Variants in TPD52 observed in about 807,000 individuals in gnomAD.
TPD52 encodes prostate and colon associated protein.
TPD52 carries 17 observed loss-of-function variants against 31.3 expected under a neutral mutation model. The ratio of observed to expected loss-of-function variants is 0.54; its 90% CI spans 0.37 to 0.82. The LOEUF (loss-of-function observed/expected upper bound fraction) is 0.82. Among genes scored for constraint, TPD52 ranks in the 40% least tolerant of loss-of-function variants. The pLI is 0.00. For synonymous variants in TPD52, 83 were observed against 89.6 expected (o/e 0.93, Z 0.42); for missense variants, 212 against 240.1 (o/e 0.88, Z 0.77).
chr8:80,055,267 T>C (rs1363700968), intron 2 of TPD52, among the ~76,000 whole-genome samples: 2 of 152,238 alleles, frequency 1.3e-5, no homozygotes, highest in African/African-American at 4.8e-5. Flanking sequence ...ATTCCCCACC[T>C]TTGTTGGTTA....
rs564917971 is a variant in TPD52 at position 80,151,431 on chromosome 8, A to C, written c.19+19994T>G. 4.9e-4 allele frequency among the ~76,000 whole-genome samples: 75 copies of C among 152,354 alleles called. 1 individual carries two copies. Among genetic ancestry groups the C allele is most frequent in the Non-Finnish European group, 1.0e-3 (68 of 68,028 alleles). On this transcript the variant is annotated intron_variant, in intron 1 of 7. Transcript: ENST00000518937. ...GCCGAAGTGATTGTTAAAGTATATT[A>C]AACAAAAATTATGGGAGGCCACTGT...
At chr8:80,069,656 A>G (rs527526768) in intron 1 of TPD52, among the ~76,000 whole-genome samples, 1 of 145,074 alleles carries the variant, frequency 6.9e-6, no homozygotes, top group African/African-American at 2.5e-5. Flanking sequence ...AAGATTTAAA[A>G]CTTAAGTTAT....
chr8:80,130,851 C>T (rs577930355), intron 1 of TPD52, among the ~76,000 whole-genome samples: 39 of 152,036 alleles, frequency 2.6e-4, no homozygotes, highest in African/African-American at 8.4e-4. Flanking sequence ...TTCAGGGCTC[C>T]GTTAACAAAA....
downstream of TPD52, among the ~76,000 whole-genome samples, chr8:80,033,545 CTT>C (rs936643392): frequency 2.0e-5 from 3 of 152,140 alleles, no homozygotes; most frequent in South Asian, 2.1e-4. Context: ...GGTCACCACT[CTT>C]CTCTCCTGCA....
rs76832362 is a variant in TPD52, at chr8:80,127,256, C to A, written c.19+44169G>T. Reference sequence around the variant, plus strand: ...TCTTTTGATACAACTTGAAACATTTCAACACTCTCCAGCTCTCTCATCCAA... The same window carrying A: ...TCTTTTGATACAACTTGAAACATTTAAACACTCTCCAGCTCTCTCATCCAA... On this transcript the variant is annotated intron_variant, in intron 1 of 7. Transcript: ENST00000518937. Among the ~76,000 whole-genome samples, 677 of 152,316 alleles carry A rather than the reference C, an allele frequency of 4.4e-3. 8 individuals are homozygous for A. The highest frequency in any genetic ancestry group is 0.031 in the Admixed American group (478 of 15,300).
rs1554582865 is a variant in TPD52, at chr8:80,072,317, A to ATATGTGTGTGTGTG, written c.20-7725_20-7724insCACACACACACATA. Among the ~76,000 whole-genome samples, 32 of 121,308 alleles carry ATATGTGTGTGTGTG rather than the reference A, an allele frequency of 2.6e-4. 1 individual carries two copies. The highest frequency in any genetic ancestry group is 5.1e-4 in the African/African-American group (14 of 27,374). 79.6% of individuals were successfully genotyped at this position (121,308 alleles called of 152,430 possible). A position where few individuals can be genotyped will look rare whatever the true frequency, so the allele number is the denominator to read the frequency against. Reference sequence around the variant, plus strand: ...GAGAGACTCCATCTAAAAAACATATATGTGTGTGTGTGTGTGTGTGTGTGT... The same window carrying ATATGTGTGTGTGTG: ...GAGAGACTCCATCTAAAAAACATATATATGTGTGTGTGTGTGTGTGTGTGTGTGTGTGTGTGTGT... On this transcript the variant is annotated intron_variant, in intron 1 of 7. Transcript: ENST00000518937.
At chr8:80,051,879 G>C (rs968519148) in intron 3 of TPD52, 1 of 382,884 alleles carries the variant, frequency 2.6e-6, no homozygotes. Flanking sequence ...TATAAAGGCA[G>C]GGCCAAAGAA....
At chr8:80,151,879 T>G (rs530204235) in intron 1 of TPD52, among the ~76,000 whole-genome samples, 101 of 152,312 alleles carry the variant, frequency 6.6e-4, no homozygotes, top group Non-Finnish European at 1.3e-3. Flanking sequence ...GTAAGATATA[T>G]TACAAGGTCA....
At chr8:80,095,243 A>G (rs1201897229) in intron 1 of TPD52, among the ~76,000 whole-genome samples, 1 of 152,224 alleles carries the variant, frequency 6.6e-6, no homozygotes, top group Non-Finnish European at 1.5e-5. Flanking sequence ...CTTTAAATGC[A>G]TATTATTGAC....
intron 1 of TPD52, among the ~76,000 whole-genome samples, chr8:80,133,564 C>A (rs548787074): frequency 6.6e-6 from 1 of 152,222 alleles, no homozygotes; most frequent in African/African-American, 2.4e-5. Flanking sequence ...CATTTTATTT[C>A]TTTGACCCAC....
At chr8:80,099,593 C>T (rs1389776446) in intron 1 of TPD52, among the ~76,000 whole-genome samples, 1 of 150,438 alleles carries the variant, frequency 6.6e-6, no homozygotes, top group African/African-American at 2.5e-5. Context: ...TCACTGCAAC[C>T]TCCGCCTCCC....
At chr8:80,057,725 C>T (rs1812050622) in intron 2 of TPD52, among the ~76,000 whole-genome samples, 1 of 152,102 alleles carries the variant, frequency 6.6e-6, no homozygotes, top group Admixed American at 6.5e-5. Context: ...ACTTGGGCAA[C>T]AGGATCATTA....
chr8:80,072,070 G>A (rs1428160444), intron 1 of TPD52, among the ~76,000 whole-genome samples: 1 of 152,162 alleles, frequency 6.6e-6, no homozygotes, highest in African/African-American at 2.4e-5. Context: ...CAGCACTTTG[G>A]GAGACCCAGG....
In TPD52 at chr8:80,053,210, C is replaced by T. The variant is rs966983928; in HGVS notation, c.284+72G>A. On this transcript the variant is annotated intron_variant, in intron 3 of 7. Transcript: ENST00000518937. The stretch of plus-strand genomic sequence containing the variant: ...GAAGCATCCTTATCCTCTTTTTCTT[C>T]CCCTCTCCAGACAAAAGGCACAACA... 8.0e-6 allele frequency: 12 copies of T among 1,498,360 alleles called. No homozygotes were observed. The African/African-American group carries it at 1.5e-4, about 19-fold the overall frequency. The allele number at this position is 1,498,360 out of a possible 1,614,324, so 92.8% of individuals were successfully genotyped here.
At chr8:80,142,683 C>T (rs1031299243) in intron 1 of TPD52, among the ~76,000 whole-genome samples, 8 of 152,112 alleles carry the variant, frequency 5.3e-5, no homozygotes, top group South Asian at 2.1e-4. Flanking sequence ...CCCTGGGCAA[C>T]GGAGTGAGGC....
intron 1 of TPD52, among the ~76,000 whole-genome samples, chr8:80,140,084 C>T (rs1809720696): frequency 6.6e-6 from 1 of 152,206 alleles, no homozygotes; most frequent in South Asian, 2.1e-4. Flanking sequence ...TTTTTCAGCA[C>T]CAGTCCAGCT....
chr8:80,151,469 C>T (rs1810562235), intron 1 of TPD52, among the ~76,000 whole-genome samples: 1 of 152,142 alleles, frequency 6.6e-6, no homozygotes, highest in East Asian at 1.9e-4. Context: ...TTGGACTAAG[C>T]TCCTGCACTA....
intron 1 of TPD52, among the ~76,000 whole-genome samples, chr8:80,078,609 T>C (rs1229586070): frequency 6.6e-6 from 1 of 152,212 alleles, no homozygotes; most frequent in African/African-American, 2.4e-5. Context: ...AAAATCACTG[T>C]GTTCTTACAG....
At chr8:80,155,826 T>C (rs1461800208) in intron 1 of TPD52, among the ~76,000 whole-genome samples, 2 of 149,792 alleles carry the variant, frequency 1.3e-5, no homozygotes, top group African/African-American at 4.9e-5. Flanking sequence ...GAGGTTGCAG[T>C]GAGCCAAGAT....
Sources: gnomAD v4.1 joint callset for allele counts (sites outside exome capture counted in the v4.1 genomes callset) on GRCh38, gnomAD v4.1.1 for gene constraint, MANE v1.5 for transcripts, NCBI Gene and HGNC (gene_info 2026-07-23, HGNC 2026-07-21) for gene names.